The following DMD variants were observed in gnomAD, a reference collection of about 807,000 sequenced individuals.
DMD encodes mutant dystrophin.
In DMD, 63 loss-of-function variants were observed where a neutral mutation model predicts 330.1. The ratio of observed to expected loss-of-function variants is 0.19; its 90% CI spans 0.16 to 0.24. DMD has a LOEUF of 0.24. DMD is among the 10% of genes least tolerant of loss of function. DMD has a pLI of 1.00. For synonymous variants in DMD, 1,223 were observed against 959.8 expected (o/e 1.27, Z -5.07); for missense variants, 3,344 against 2,684.1 (o/e 1.25, Z -5.43).
At chrX:32,097,822 G>A (rs759258760) in intron 44 of DMD, among the ~76,000 whole-genome samples, 1 of 111,773 alleles carries the variant, frequency 8.9e-6, no homozygotes, top group Non-Finnish European at 1.9e-5. Context: ...GTAAATCTCA[G>A]CTAAAAACTG....
Position 32,364,639 on chromosome X carries a change from G to T in DMD, c.5097C>A (p.Asp1699Glu), listed in dbSNP as rs763028318. ...DHITKWIIQA[D>E]TLLDESEKKK... ...TTTTCTCTGATTCATCCAAAAGTGT[G>T]TCAGCCTGAATGATCCACTTTGTGA... The change falls in exon 36 of 79, where the codon GAC becomes GAA. Residue 1699 changes from aspartate (D) to glutamate (E), a missense_variant. By Grantham distance (45) the Asp-to-Glu change is conservative (BLOSUM62 2). Transcript: ENST00000357033. 4.5e-5 allele frequency: 55 copies of T among 1,209,808 alleles called. No homozygotes were observed. Among genetic ancestry groups the T allele is most frequent in the Non-Finnish European group, 5.8e-5 (52 of 893,966 alleles).
intron 29 of DMD, among the ~76,000 whole-genome samples, chrX:32,421,385 A>T (rs758993230): frequency 8.9e-6 from 1 of 111,937 alleles, no homozygotes; most frequent in Non-Finnish European, 1.9e-5. Flanking sequence ...TGGCTCTGAT[A>T]TGATTCATTT....
rs1555971974 is a variant in DMD, at chrX:31,121,438, G to GTGTGTGTGTA, written c.*480_*481insTACACACACA. 7.8e-6 allele frequency: 1 copy of GTGTGTGTGTA among 128,507 alleles called. No individual in the cohort carries two copies. Among genetic ancestry groups the GTGTGTGTGTA allele is most frequent in the Non-Finnish European group, 1.5e-5 (1 of 66,117 alleles). 10.6% of individuals were successfully genotyped at this position (128,507 alleles called of 1,213,427 possible). ...CTGCCTCAAAGTTTTGTGTGTGTGT[G>GTGTGTGTGTA]TGTATGTGTGTGTGTGTGTGTTTGT... On this transcript the variant is annotated 3_prime_UTR_variant, in exon 79 of 79. Transcript: ENST00000357033.
At position 31,668,049 on chromosome X, in the gene DMD, T is replaced by C. The variant is rs183292515; in HGVS notation, c.7873-9905A>G. On this transcript the variant is annotated intron_variant, in intron 53 of 78. Transcript: ENST00000357033. Reference sequence around the variant, plus strand: ...TGTTAACCATCTTTTCATGTGCTTATGGAGATCTATACATCTACTTTGGAG... The same window carrying C: ...TGTTAACCATCTTTTCATGTGCTTACGGAGATCTATACATCTACTTTGGAG... Among the ~76,000 whole-genome samples the C allele has an allele frequency of 1.3e-4, 15 of 112,084 alleles. No individual in the cohort carries two copies. The East Asian group carries it at 3.9e-3, about 29-fold the overall frequency.
At chrX:32,394,916 C>CAAAACAAAAAAAAAAAAA (rs2098030291) in intron 30 of DMD, among the ~76,000 whole-genome samples, 17 of 39,037 alleles carry the variant, frequency 4.4e-4, no homozygotes, top group East Asian at 3.3e-3. Flanking sequence ...AACAAAAAAA[C>CAAAACAAAAAAAAAAAAA]AAAAAAAAAA....
intron 17 of DMD, among the ~76,000 whole-genome samples, chrX:32,529,030 T>C (rs894141389): frequency 2.8e-5 from 3 of 106,257 alleles, no homozygotes; most frequent in African/African-American, 1.0e-4. Context: ...CACACCATTC[T>C]CCTGCCTCAG....
intron 43 of DMD, among the ~76,000 whole-genome samples, chrX:32,258,911 GA>G (rs2097310509): frequency 9.0e-6 from 1 of 111,303 alleles, no homozygotes; most frequent in African/African-American, 3.3e-5. Flanking sequence ...AAAAATAAAT[GA>G]TTCAGAATCA....
chrX:32,252,997 G>A, intron 43 of DMD, among the ~76,000 whole-genome samples: 2 of 90,238 alleles, frequency 2.2e-5, no homozygotes. Flanking sequence ...TATATTCAAC[G>A]GTAAATGGTT....
intron 13 of DMD, among the ~76,000 whole-genome samples, chrX:32,580,554 G>A (rs1245338870): frequency 9.0e-6 from 1 of 111,529 alleles, no homozygotes; most frequent in African/African-American, 3.3e-5. Flanking sequence ...AAATGTGAAA[G>A]TGCTCTTAAA....
intron 2 of DMD, among the ~76,000 whole-genome samples, chrX:32,878,346 C>T (rs953723774): frequency 9.0e-6 from 1 of 111,424 alleles, no homozygotes; most frequent in Non-Finnish European, 1.9e-5. Context: ...CCACTGCACC[C>T]CAGCCTGGGC....
chrX:32,600,598 G>GCACACACACACA (rs201249837), intron 12 of DMD, among the ~76,000 whole-genome samples: 5 of 95,290 alleles, frequency 5.2e-5, no homozygotes, highest in African/African-American at 1.5e-4. Flanking sequence ...ACACGCACAC[G>GCACACACACACA]CACACACACA....
chrX:33,008,925 C>CAT (rs764411624), intron 2 of DMD, among the ~76,000 whole-genome samples: 4 of 78,967 alleles, frequency 5.1e-5, no homozygotes, highest in African/African-American at 1.3e-4. Flanking sequence ...TGTATATATA[C>CAT]ATGTATATAT....
chrX:32,879,021 A>AAAAAAAAAAAAAAAAAAAAAAAAAAC (rs1352069437), intron 2 of DMD, among the ~76,000 whole-genome samples: 38 of 101,694 alleles, frequency 3.7e-4, no homozygotes, highest in East Asian at 6.5e-4. Context: ...AAAAAAACAA[A>AAAAAAAAAAAAAAAAAAAAAAAAAAC]AAACAAAAAA....
intron 7 of DMD, among the ~76,000 whole-genome samples, chrX:32,719,957 A>C (rs1182621281): frequency 9.6e-6 from 1 of 104,618 alleles, no homozygotes; most frequent in Non-Finnish European, 1.9e-5. Flanking sequence ...GACCCATTAG[A>C]ATTCATTCAT....
intron 7 of DMD, among the ~76,000 whole-genome samples, chrX:32,739,537 G>C (rs995210764): frequency 9.0e-6 from 1 of 111,367 alleles, no homozygotes; most frequent in African/African-American, 3.3e-5. Flanking sequence ...ATTTGGAAAA[G>C]GTTTGTAGGA....
intron 25 of DMD, among the ~76,000 whole-genome samples, chrX:32,456,246 T>A (rs752432193): frequency 4.5e-5 from 5 of 110,892 alleles, no homozygotes; most frequent in African/African-American, 1.6e-4. Flanking sequence ...TCATTTTAGG[T>A]TCTTTACTTA....
chrX:32,565,611 G>T (rs2051607356), intron 16 of DMD, 91 bp downstream of exon 16: 2 of 917,952 alleles, frequency 2.2e-6, no homozygotes, highest in Non-Finnish European at 3.1e-6. Context: ...TAATCTGGTT[G>T]CTTCTTTTGT....
At chrX:32,153,030 C>T (rs778283333) in intron 44 of DMD, among the ~76,000 whole-genome samples, 4 of 111,584 alleles carry the variant, frequency 3.6e-5, no homozygotes, top group South Asian at 3.7e-4. Context: ...GGAAAGTTAA[C>T]GTTCACTCTC....
chrX:33,116,647 T>C (rs890845692), intron 1 of DMD, among the ~76,000 whole-genome samples: 3 of 111,644 alleles, frequency 2.7e-5, no homozygotes, highest in African/African-American at 9.8e-5. Context: ...TGGGTAGAAA[T>C]AACTATGTGG....
Sources: allele counts gnomAD v4.1 joint callset (sites outside exome capture counted in the v4.1 genomes callset), GRCh38; gene constraint gnomAD v4.1.1; transcripts MANE v1.5; gene names NCBI Gene and HGNC (gene_info 2026-07-23, HGNC 2026-07-21).